The following GABRA6 variants were observed in gnomAD, a reference collection of about 807,000 sequenced individuals.
GABRA6 encodes gamma-aminobutyric acid receptor subunit alpha-6.
In GABRA6, 45 loss-of-function variants were observed where a neutral mutation model predicts 47.3. That is an observed-to-expected ratio of 0.95 (90% CI 0.75 to 1.22). The LOEUF is 1.22. Ranked by LOEUF, GABRA6 falls within the 50% of genes most tolerant of loss-of-function variation. GABRA6 has a pLI of 0.00. For synonymous variants in GABRA6, 219 were observed against 194.7 expected (o/e 1.12, Z -1.04); for missense variants, 583 against 549.3 (o/e 1.06, Z -0.61).
At chr5:161,692,727 A>G (rs758429140) in intron 8 of GABRA6, among the ~76,000 whole-genome samples, 1 of 152,214 alleles carries the variant, frequency 6.6e-6, no homozygotes, top group Non-Finnish European at 1.5e-5. Context: ...AAACATTTTC[A>G]TATTCACATT....
chr5:161,687,321 G>T, intron 3 of GABRA6: 1 of 398,486 alleles, frequency 2.5e-6, no homozygotes, highest in Non-Finnish European at 4.8e-6. Flanking sequence ...ATTTATTGGA[G>T]GAAGAAAAAA....
rs556454094 is a variant in GABRA6, at chr5:161,686,998, G to A, written c.220G>A (p.Glu74Lys). ...CAGTTTTGGGCCCGTGTCAGATGTGGAGATGGTGAGTAAGTTCTAAGTGAG... is the reference window on the plus strand; with the variant it reads ...CAGTTTTGGGCCCGTGTCAGATGTGAAGATGGTGAGTAAGTTCTAAGTGAG... Reference protein sequence around the residue: ...VTSFGPVSDVEMEYTMDVFFR... With the variant: ...VTSFGPVSDVKMEYTMDVFFR... The change falls in exon 3 of 9, where the codon GAG becomes AAG. Residue 74 changes from glutamate (E) to lysine (K), a missense_variant. Physicochemically the swap from Glu to Lys is moderately conservative, Grantham distance 56. Transcript: ENST00000274545. The A allele has an allele frequency of 1.2e-6, 2 of 1,613,786 alleles. No individual in the cohort carries two copies. Among genetic ancestry groups the A allele is most frequent in the African/African-American group, 2.7e-5 (2 of 75,018 alleles).
chr5:161,693,194 G>T (rs1465658925), intron 8 of GABRA6, among the ~76,000 whole-genome samples: 1 of 152,074 alleles, frequency 6.6e-6, no homozygotes, highest in Non-Finnish European at 1.5e-5. Context: ...GTTTTAAAGC[G>T]ATTTGTTTTT....
At chr5:161,699,507 T>C (rs905110049) in intron 8 of GABRA6, among the ~76,000 whole-genome samples, 1 of 151,466 alleles carries the variant, frequency 6.6e-6, no homozygotes, top group Non-Finnish European at 1.5e-5. Context: ...ACTCTGCTTC[T>C]ATCCACACAC....
intron 6 of GABRA6, chr5:161,689,993 T>C: frequency 1.5e-6 from 1 of 665,650 alleles, no homozygotes; most frequent in Non-Finnish European, 2.6e-6. Flanking sequence ...ATGTATATGA[T>C]ATAAAGAACC....
chr5:161,697,931 G>A (rs943960162), intron 8 of GABRA6, among the ~76,000 whole-genome samples: 11 of 152,048 alleles, frequency 7.2e-5, no homozygotes, highest in Middle Eastern at 3.2e-3. Context: ...GAAGAAATTC[G>A]TGAAATAATA....
intron 3 of GABRA6, chr5:161,687,392 A>G: frequency 2.5e-6 from 1 of 406,334 alleles, no homozygotes; most frequent in East Asian, 7.0e-5. Flanking sequence ...CCTAAAGCAT[A>G]ATTGTCTTTT....
In GABRA6 at chr5:161,688,985, A is replaced by T; in HGVS notation, c.262A>T (p.Thr88Ser). ...TMDVFFRQTW[T>S]DERLKFGGPT... ...GGATGTTTTTTTCCGCCAGACCTGGACTGATGAGAGGTTGAAGTTTGGGGG... is the reference window on the plus strand; with the variant it reads ...GGATGTTTTTTTCCGCCAGACCTGGTCTGATGAGAGGTTGAAGTTTGGGGG... Residue 88 changes from threonine to serine, a missense_variant, in exon 4 of 9, where the codon ACT becomes TCT. By Grantham distance (58) the Thr-to-Ser change is moderately conservative. Coordinates refer to ENST00000274545, the MANE Select transcript of GABRA6 (RefSeq NM_000811.3). The T allele has an allele frequency of 6.2e-7, 1 of 1,613,930 alleles. No individual in the cohort carries two copies. Among genetic ancestry groups the T allele is most frequent in the Non-Finnish European group, 8.5e-7 (1 of 1,179,920 alleles).
chr5:161,694,213 A>G (rs1471854952), intron 8 of GABRA6, among the ~76,000 whole-genome samples: 1 of 151,832 alleles, frequency 6.6e-6, no homozygotes, highest in African/African-American at 2.4e-5. Flanking sequence ...TATATTGTCC[A>G]TAGGTCATCT....
rs761255846 is a variant in GABRA6, at chr5:161,691,948, C to G, written c.834C>G (p.Thr278=). ...SVPARTVFGI[T]TVLTMTTLSI... The stretch of plus-strand genomic sequence containing the variant: ...TATTCTTTTTTATTTTAGGGATCAC[C>G]ACTGTTTTAACTATGACCACTTTGA... The change falls in exon 8 of 9, where the codon ACC becomes ACG. Residue 278 remains threonine, a synonymous_variant. Transcript: ENST00000274545. 6.2e-7 allele frequency: 1 copy of G among 1,613,320 alleles called. No homozygotes were observed. The highest frequency in any genetic ancestry group is 1.1e-5 in the South Asian group (1 of 91,066).
In GABRA6 at chr5:161,692,014, C is replaced by T. The variant is rs139365487; in HGVS notation, c.900C>T (p.Ala300=). The T allele has an allele frequency of 3.2e-5, 52 of 1,614,080 alleles. No homozygotes were observed. In the African/African-American group the frequency reaches 6.1e-4, roughly 19 times the overall value. Residue 300 remains alanine, a synonymous_variant, in exon 8 of 9, where the codon GCC becomes GCT. Transcript: ENST00000274545. The stretch of plus-strand genomic sequence containing the variant: ...ACTCTTTGCCAAAAGTGTCATATGC[C>T]ACTGCCATGGATTGGTTCATAGCTG... ...ARHSLPKVSY[A]TAMDWFIAVC...
intron 3 of GABRA6, chr5:161,687,452 T>G: frequency 2.2e-6 from 1 of 447,242 alleles, no homozygotes. Flanking sequence ...AAGAGGTCAT[T>G]TGGAAAGGCT....
At chr5:161,691,872 C>T in intron 7 of GABRA6, 69 bp from the exon 8 acceptor site, 3 of 1,410,822 alleles carry the variant, frequency 2.1e-6, no homozygotes, top group Non-Finnish European at 2.0e-6. Flanking sequence ...TCCTCTGACA[C>T]ATTCTCATTT....
chr5:161,686,924 G>T lies in GABRA6; in HGVS notation c.158-12G>T. 1 of 1,613,224 alleles carries T rather than the reference G, an allele frequency of 6.2e-7. No individual in the cohort carries two copies. Among genetic ancestry groups the T allele is most frequent in the Non-Finnish European group, 8.5e-7 (1 of 1,179,282 alleles). Reference sequence around the variant, plus strand: ...TGGTGATAATTGTTTCATCCCTCTGGGCTAATTTCAGGTGCTGTCACTGAA... The same window carrying T: ...TGGTGATAATTGTTTCATCCCTCTGTGCTAATTTCAGGTGCTGTCACTGAA... On this transcript the variant is annotated splice_polypyrimidine_tract_variant and intron_variant, in intron 2 of 8. Coordinates refer to ENST00000274545, the MANE Select transcript of GABRA6 (RefSeq NM_000811.3).
rs1272949663 is a variant in GABRA6 at position 161,692,062 on chromosome 5, T to C, written c.948T>C (p.Ser316=). The C allele has an allele frequency of 6.2e-6, 10 of 1,614,098 alleles. No homozygotes were observed. The highest frequency in any genetic ancestry group is 5.0e-5 in the Admixed American group (3 of 60,008). ...CTGTTTGCTTTGCATTCGTCTTCTCTGCGCTTATCGAGTTCGCAGCTGTCA... is the reference window on the plus strand; with the variant it reads ...CTGTTTGCTTTGCATTCGTCTTCTCCGCGCTTATCGAGTTCGCAGCTGTCA... The part of the protein sequence containing the change: ...FIAVCFAFVF[S]ALIEFAAVNY... The change falls in exon 8 of 9, where the codon TCT becomes TCC. Residue 316 remains serine (S), a synonymous_variant. Transcript: ENST00000274545.
In GABRA6 at chr5:161,690,182, T is replaced by G. The variant is rs1314394078; in HGVS notation, c.674-19T>G. 4 of 1,611,124 alleles carry G rather than the reference T, an allele frequency of 2.5e-6. No homozygotes were observed. In the East Asian group the frequency reaches 8.9e-5, roughly 36 times the overall value. ...AGACTGTCAGCAGTAATAATACTGA[T>G]GTATGTGTCTTCCAACAGGTGAATA... is the stretch of plus-strand genomic sequence containing the variant. On this transcript the variant is annotated intron_variant, in intron 6 of 8. Coordinates refer to ENST00000274545, the MANE Select transcript of GABRA6 (RefSeq NM_000811.3).
intron 8 of GABRA6, among the ~76,000 whole-genome samples, chr5:161,696,317 A>G (rs1223325085): frequency 2.6e-5 from 4 of 151,718 alleles, no homozygotes; most frequent in Admixed American, 6.6e-5. Context: ...AGAATACTGA[A>G]AGGTTTACCT....
chr5:161,700,519 C>CCAAT (rs1754961945), intron 8 of GABRA6, among the ~76,000 whole-genome samples: 1 of 152,106 alleles, frequency 6.6e-6, no homozygotes, highest in Admixed American at 6.6e-5. Context: ...TGAACTAGGC[C>CCAAT]CAATACTTTA....
Position 161,701,935 on chromosome 5 carries a change from T to A in GABRA6, c.*162T>A. The A allele has an allele frequency of 1.4e-6, 1 of 706,592 alleles. No homozygotes were observed. The highest frequency in any genetic ancestry group is 2.4e-6 in the Non-Finnish European group (1 of 419,562). 43.8% of individuals were successfully genotyped at this position (706,592 alleles called of 1,614,324 possible). ...TAAGCATGTGTGGGCAAAAAAGCAA[T>A]AATCCTACTCCTCAAAATAGAAAGT... On this transcript the variant is annotated 3_prime_UTR_variant, in exon 9 of 9. Coordinates refer to ENST00000274545, the MANE Select transcript of GABRA6 (RefSeq NM_000811.3).
Sources: gnomAD v4.1 joint callset for allele counts (sites outside exome capture counted in the v4.1 genomes callset) on GRCh38, gnomAD v4.1.1 for gene constraint, MANE v1.5 for transcripts, NCBI Gene and HGNC (gene_info 2026-07-23, HGNC 2026-07-21) for gene names.